The following ADAT3 variants were observed in gnomAD, a reference collection of about 807,000 sequenced individuals.
ADAT3 encodes the protein tRNA-specific adenosine-34 deaminase regulatory subunit ADAT3.
A neutral mutation model predicts 3.5 loss-of-function variants in ADAT3; 2 were observed. The observed-to-expected ratio is 0.57, with a 90% CI of 0.23 to 1.79. ADAT3 has a LOEUF of 1.79. ADAT3 is among the 40% of genes most tolerant of loss of function. The pLI, the probability that ADAT3 is intolerant of heterozygous loss-of-function variation, is 0.18. For synonymous variants in ADAT3, 358 were observed against 270.3 expected (o/e 1.32, Z -3.18); for missense variants, 735 against 571.4 (o/e 1.29, Z -2.92).
At chr19:1,910,600 CAG>C (rs1358474800) in intron 1 of ADAT3, among the ~76,000 whole-genome samples, 3 of 123,554 alleles carry the variant, frequency 2.4e-5, no homozygotes, top group African/African-American at 9.3e-5. Context: ...TTTTTTGAGA[CAG>C]AGTCTCGCTC....
Position 1,912,379 on chromosome 19 carries a change from G to A in ADAT3, c.332G>A (p.Cys111Tyr). 1.3e-6 allele frequency: 2 copies of A among 1,521,256 alleles called. No homozygotes were observed. The highest frequency in any genetic ancestry group is 2.0e-5 in the Admixed American group (1 of 49,380). The allele number at this position is 1,521,256 out of a possible 1,614,324, so 94.2% of individuals were successfully genotyped here. ...GSPHALEMLL[C>Y]LAGPASGPRS... ...CCCCACGCCCTGGAGATGCTGCTTT[G>A]CCTGGCTGGGCCGGCCTCGGGCCCG... is the stretch of plus-strand genomic sequence containing the variant. The change falls in exon 2 of 2, where the codon TGC becomes TAC. Residue 111 changes from cysteine to tyrosine, a missense_variant. By Grantham distance (194) the Cys-to-Tyr change is radical. Transcript: ENST00000329478.
intron 1 of ADAT3, 189 bp downstream of exon 1, chr19:1,905,628 G>C (rs1263622878): frequency 6.2e-6 from 1 of 160,936 alleles, no homozygotes; most frequent in Non-Finnish European, 1.4e-5. Flanking sequence ...CGGCGCGAAT[G>C]CGCGTGCGCG....
At chr19:1,905,491 A>G in intron 1 of ADAT3, 52 bp downstream of exon 1, 10 of 395,552 alleles carry the variant, frequency 2.5e-5, no homozygotes, top group Admixed American at 5.4e-5. Flanking sequence ...ACTTCCCCAG[A>G]GGGGGAGTAG....
Position 1,913,288 on chromosome 19 carries a change from G to A in ADAT3, c.*137G>A, listed in dbSNP as rs2013598815. On this transcript the variant is annotated 3_prime_UTR_variant, in exon 2 of 2. Transcript: ENST00000329478. ...CATACCGCCTCCAGCGGGGAGCACG[G>A]GTGCTGCCTTCCGTGCGGATCGAGC... 2 of 1,286,050 alleles carry A rather than the reference G, an allele frequency of 1.6e-6. No individual in the cohort carries two copies. Among genetic ancestry groups the A allele is most frequent in the Non-Finnish European group, 1.0e-6 (1 of 954,592 alleles). The allele number at this position is 1,286,050 out of a possible 1,614,324, so 79.7% of individuals were successfully genotyped here.
chr19:1,907,646 G>A (rs748601876), intron 1 of ADAT3, among the ~76,000 whole-genome samples: 3 of 152,140 alleles, frequency 2.0e-5, no homozygotes, highest in Non-Finnish European at 2.9e-5. Flanking sequence ...TTGTCACCAC[G>A]CAGGGTCTGA....
In ADAT3 at chr19:1,913,175, C is replaced by G. The variant is rs1451725759; in HGVS notation, c.*24C>G. 2.0e-6 allele frequency: 3 copies of G among 1,489,390 alleles called. No homozygotes were observed. Among genetic ancestry groups the G allele is most frequent in the African/African-American group, 1.4e-5 (1 of 71,384 alleles). The allele number at this position is 1,489,390 out of a possible 1,614,324, so 92.3% of individuals were successfully genotyped here. A position where few individuals can be genotyped will look rare whatever the true frequency, so the allele number is the denominator to read the frequency against. ...AGGCGCCGCCCTCCTGCCTCCGGAC[C>G]CTTCCCGCTCCCGGCCGTGGGGCGC... On this transcript the variant is annotated 3_prime_UTR_variant, in exon 2 of 2. Transcript: ENST00000329478.
At position 1,913,113 on chromosome 19, in the gene ADAT3, C is replaced by T. The variant is rs957053030; in HGVS notation, c.1066C>T (p.Leu356=). The change falls in exon 2 of 2, where the codon CTG becomes TTG. Residue 356 remains leucine, a synonymous_variant. Coordinates refer to ENST00000329478, the MANE Select transcript of ADAT3 (RefSeq NM_138422.4). ...CCGCTTCCAGGTGTTCCGCGGGGTG[C>T]TGGAGGAGCAGTGCCGCTGGCTGGA... is the stretch of plus-strand genomic sequence containing the variant. ...NHRFQVFRGV[L]EEQCRWLDPD... 3.8e-6 allele frequency: 6 copies of T among 1,589,900 alleles called. No homozygotes were observed. Among genetic ancestry groups the T allele is most frequent in the Admixed American group, 3.5e-5 (2 of 57,768 alleles).
intron 1 of ADAT3, among the ~76,000 whole-genome samples, chr19:1,910,733 T>C (rs545630407): frequency 1.3e-5 from 2 of 148,328 alleles, no homozygotes; most frequent in South Asian, 4.3e-4. Context: ...CGTGGCACCA[T>C]GCCCAGCTAA....
chr19:1,905,413 C>T lies in ADAT3; in HGVS notation c.-185C>T, dbSNP rs1394259522. 6.5e-6 allele frequency: 3 copies of T among 463,516 alleles called. No homozygotes were observed. The highest frequency in any genetic ancestry group is 7.4e-5 in the East Asian group (1 of 13,584). The allele number at this position is 463,516 out of a possible 1,614,324, so 28.7% of individuals were successfully genotyped here. ...GGCCGGTTGCTAAGACTTGGCGAAG[C>T]GCTGCGCTCGCGCCCGGATCCCTCA... On this transcript the variant is annotated 5_prime_UTR_variant, in exon 1 of 2. Transcript: ENST00000329478.
intron 1 of ADAT3, among the ~76,000 whole-genome samples, chr19:1,909,360 G>A (rs2013313264): frequency 6.6e-6 from 1 of 152,204 alleles, no homozygotes; most frequent in African/African-American, 2.4e-5. Context: ...CCCGCCTAGG[G>A]CAGGCTCCCT....
chr19:1,911,799 TAAAA>T, intron 1 of ADAT3, 87 bp from the exon 2 acceptor site: 1 of 396,960 alleles, frequency 2.5e-6, no homozygotes, highest in Non-Finnish European at 4.3e-6. Context: ...AAAAATAAAA[TAAAA>T]AAAAAAGAAA....
rs762871409 is a variant in ADAT3 at position 1,912,875 on chromosome 19, C to G, written c.828C>G (p.Val276=). Reference sequence around the variant, plus strand: ...CCCCGGCCGCTGCCCCCCAGGCCGTCCGCGCAGGCGCCGTGCGTAAACTGG... The same window carrying G: ...CCCCGGCCGCTGCCCCCCAGGCCGTGCGCGCAGGCGCCGTGCGTAAACTGG... ...SFAPAAAPQA[V]RAGAVRKLDA... The change falls in exon 2 of 2, where the codon GTC becomes GTG. Residue 276 remains valine (V), a synonymous_variant. Coordinates refer to ENST00000329478, the MANE Select transcript of ADAT3 (RefSeq NM_138422.4). The G allele has an allele frequency of 3.7e-6, 6 of 1,602,638 alleles. No individual in the cohort carries two copies. In the African/African-American group the frequency reaches 6.7e-5, roughly 18 times the overall value.
chr19:1,913,055 C>G lies in ADAT3; in HGVS notation c.1008C>G (p.Arg336=). Residue 336 remains arginine, a synonymous_variant, in exon 2 of 2, where the codon CGC becomes CGG. Transcript: ENST00000329478. ...CGCCCGACGGCGCCCTGGGCACCCG[C>G]TTCCGCATCCACGCACGGCCCGACC... ...APSPDGALGT[R]FRIHARPDLN... 6.2e-7 allele frequency: 1 copy of G among 1,603,332 alleles called. No homozygotes were observed. Among genetic ancestry groups the G allele is most frequent in the East Asian group, 2.2e-5 (1 of 44,838 alleles).
rs1306783270 is a variant in ADAT3 at position 1,912,499 on chromosome 19, C to G, written c.452C>G (p.Thr151Ser). The change falls in exon 2 of 2, where the codon ACC (threonine) becomes AGC (serine). Residue 151 changes from threonine (T) to serine (S), a missense_variant. Thr to Ser is a moderately conservative substitution (Grantham distance 58, BLOSUM62 1). Coordinates refer to ENST00000329478, the MANE Select transcript of ADAT3 (RefSeq NM_138422.4). ...LVPVPARPPL[T>S]RGQFEEARAH... The stretch of plus-strand genomic sequence containing the variant: ...CCCGTGCCCGCCCGGCCGCCTCTGA[C>G]CAGGGGCCAGTTCGAGGAGGCCCGG... 1.1e-5 allele frequency: 17 copies of G among 1,496,986 alleles called. No homozygotes were observed. Among genetic ancestry groups the G allele is most frequent in the Non-Finnish European group, 1.5e-5 (17 of 1,130,626 alleles). The allele number at this position is 1,496,986 out of a possible 1,614,324, so 92.7% of individuals were successfully genotyped here.
rs2013594381 is a variant in ADAT3, at chr19:1,913,213, TC to T, written c.*64del. On this transcript the variant is annotated 3_prime_UTR_variant, in exon 2 of 2. Transcript: ENST00000329478. ...GGCCGTGGGGCGCCCCTCCTGGACT[TC>T]CGGGCCTCGATTTCTTCCGCACAAG... The T allele has an allele frequency of 4.1e-6, 6 of 1,456,916 alleles. No homozygotes were observed. Among genetic ancestry groups the T allele is most frequent in the African/African-American group, 1.4e-5 (1 of 70,048 alleles). 90.2% of individuals were successfully genotyped at this position (1,456,916 alleles called of 1,614,324 possible).
At position 1,908,827 on chromosome 19, in the gene ADAT3, G is replaced by A. The variant is rs1050799918; in HGVS notation, c.-158-3063G>A. Among the ~76,000 whole-genome samples, 1 of 152,122 alleles carries A rather than the reference G, an allele frequency of 6.6e-6. No individual in the cohort carries two copies. Among genetic ancestry groups the A allele is most frequent in the Non-Finnish European group, 1.5e-5 (1 of 68,022 alleles). ...TTATACTTTTAAGCAATGTGGGCTG[G>A]GCACGGTGGCTCACACCTGTAATCC... On this transcript the variant is annotated intron_variant, in intron 1 of 1. Coordinates refer to ENST00000329478, the MANE Select transcript of ADAT3 (RefSeq NM_138422.4). The surrounding 1 kb of genome is among the most constrained non-coding windows in gnomAD (Gnocchi z 4.2).
At chr19:1,906,503 C>T (rs1265364370) in intron 1 of ADAT3, 3 of 152,154 alleles carry the variant, frequency 2.0e-5, no homozygotes, top group Non-Finnish European at 4.4e-5. Context: ...GGCACTACTG[C>T]ATTCCAGCCT....
chr19:1,908,537 C>G lies in ADAT3; in HGVS notation c.-159+3098C>G, dbSNP rs1313373777. The G allele has an allele frequency of 4.2e-6, 2 of 471,156 alleles. No homozygotes were observed. Among genetic ancestry groups the G allele is most frequent in the Middle Eastern group, 3.3e-4 (1 of 3,076 alleles). 29.2% of individuals were successfully genotyped at this position (471,156 alleles called of 1,614,324 possible). On this transcript the variant is annotated intron_variant, in intron 1 of 1. Transcript: ENST00000329478. This position sits in a 1 kb window ranked among gnomAD's most constrained non-coding sequence, Gnocchi z 4.2. ...GGATGTGTAGTCCAGGCTGGCAGTT[C>G]AGGATCACCCGGCTGGAGTCATTTT...
At chr19:1,905,502 G>T (rs1165350211) in intron 1 of ADAT3, 63 bp downstream of exon 1, 3 of 422,942 alleles carry the variant, frequency 7.1e-6, no homozygotes, top group African/African-American at 4.3e-5. Flanking sequence ...GGGGGAGTAG[G>T]GGCTGACATG....
Sources: allele counts gnomAD v4.1 joint callset (sites outside exome capture counted in the v4.1 genomes callset), GRCh38; gene constraint gnomAD v4.1.1; non-coding constraint Gnocchi (gnomAD v3.1); transcripts MANE v1.5; gene names NCBI Gene and HGNC (gene_info 2026-07-23, HGNC 2026-07-21).